Variants in ZBED1 observed in about 807,000 individuals in gnomAD.
ZBED1 encodes the protein E3 SUMO-protein ligase ZBED1.
Under a neutral mutation model 49.7 loss-of-function variants are expected in ZBED1, and 19 were observed. That is an observed-to-expected ratio of 0.38 (90% CI 0.27 to 0.56). The LOEUF is 0.56. ZBED1 is among the 20% of genes least tolerant of loss of function. The probability of loss-of-function intolerance (pLI) is 0.70; values close to 1 mark genes in which losing one functional copy is unlikely to be tolerated. For missense variants in ZBED1, 806 were observed against 972.6 expected (o/e 0.83, Z 2.28); for synonymous variants, 439 against 440.3 (o/e 1.00, Z 0.04).
At chrX:2,494,030 G>A (rs1173844396) in intron 1 of ZBED1, among the ~76,000 whole-genome samples, 2 of 152,048 alleles carry the variant, frequency 1.3e-5, no homozygotes, top group Non-Finnish European at 2.9e-5. Flanking sequence ...TTGTTTTTAG[G>A]CTGGAAGAGG....
intron 1 of ZBED1, chrX:2,500,487 G>C (rs1181964008): frequency 6.4e-6 from 1 of 156,386 alleles, no homozygotes; most frequent in African/African-American, 2.4e-5. Flanking sequence ...CAGGGTGCGC[G>C]GGGGGGCGGC....
At position 2,489,916 on chromosome X, in the gene ZBED1, G is replaced by A. The variant is rs763379330; in HGVS notation, c.804C>T (p.Thr268=). ...TCACGATGTCCTTGCCATAGTTGGTGGTGGCCCCGAAGACCTTGGCGCTGA... is the reference window on the plus strand; with the variant it reads ...TCACGATGTCCTTGCCATAGTTGGTAGTGGCCCCGAAGACCTTGGCGCTGA... ...WGISAKVFGA[T]TNYGKDIVKA... Residue 268 remains threonine, a synonymous_variant, in exon 2 of 2, where the codon ACC becomes ACT. Coordinates refer to ENST00000652001, the MANE Select transcript of ZBED1 (RefSeq NM_001171136.2). 1.9e-6 allele frequency: 3 copies of A among 1,613,754 alleles called. No individual in the cohort carries two copies. The highest frequency in any genetic ancestry group is 2.5e-6 in the Non-Finnish European group (3 of 1,179,882).
intron 1 of ZBED1, among the ~76,000 whole-genome samples, chrX:2,495,609 C>T (rs1267455980): frequency 2.1e-5 from 3 of 144,780 alleles, no homozygotes; most frequent in African/African-American, 4.9e-5. Flanking sequence ...CCTGAACCCA[C>T]GTAACAGCCA....
intron 1 of ZBED1, among the ~76,000 whole-genome samples, chrX:2,493,531 T>A (rs1482716095): frequency 6.6e-6 from 1 of 151,704 alleles, no homozygotes; most frequent in Non-Finnish European, 1.5e-5. Flanking sequence ...AGGTTTCAAT[T>A]CCATTATTAT....
intron 1 of ZBED1, among the ~76,000 whole-genome samples, chrX:2,491,066 G>GTTTTTTTTTTTTT (rs900738620): frequency 9.1e-6 from 1 of 110,246 alleles, no homozygotes; most frequent in African/African-American, 3.5e-5. Flanking sequence ...AGTGCCTTTA[G>GTTTTTTTTTTTTT]TTTTTTTTTT....
chrX:2,488,608 T>G lies in ZBED1; in HGVS notation c.*27A>C. On this transcript the variant is annotated 3_prime_UTR_variant, in exon 2 of 2. Transcript: ENST00000652001. Reference sequence around the variant, plus strand: ...AGCATCCAATGGGCTGCTGCGGGGATGACTTGTAAGACAACACGCTTCCTC... The same window carrying G: ...AGCATCCAATGGGCTGCTGCGGGGAGGACTTGTAAGACAACACGCTTCCTC... 6.4e-7 allele frequency: 1 copy of G among 1,558,146 alleles called. No individual in the cohort carries two copies. Among genetic ancestry groups the G allele is most frequent in the Non-Finnish European group, 8.7e-7 (1 of 1,153,974 alleles).
At chrX:2,491,733 A>G (rs1213096403) in intron 1 of ZBED1, among the ~76,000 whole-genome samples, 2 of 152,214 alleles carry the variant, frequency 1.3e-5, no homozygotes, top group African/African-American at 4.8e-5. Context: ...GGATTTCTCA[A>G]TCCCTGGAAC....
chrX:2,489,604 G>A lies in ZBED1; in HGVS notation c.1116C>T (p.Ala372=), dbSNP rs370706648. 3.8e-5 allele frequency: 61 copies of A among 1,612,486 alleles called. No individual in the cohort carries two copies. The highest frequency in any genetic ancestry group is 3.3e-4 in the East Asian group (15 of 44,886). ...QRLKEQQFVI[A]GVLVEDSNNH... is the part of the protein sequence containing the mutation. ...TGTTGCTGTCCTCCACCAAGACCCCGGCGATGACGAACTGCTGCTCCTTGA... is the reference window on the plus strand; with the variant it reads ...TGTTGCTGTCCTCCACCAAGACCCCAGCGATGACGAACTGCTGCTCCTTGA... Residue 372 remains alanine (A), a synonymous_variant, in exon 2 of 2, where the codon GCC becomes GCT. Transcript: ENST00000652001.
At chrX:2,500,786 G>T (rs1411785924) in intron 1 of ZBED1, 31 bp downstream of exon 1, 23 of 641,260 alleles carry the variant, frequency 3.6e-5, no homozygotes, top group South Asian at 7.2e-5. Flanking sequence ...CCGGGTCCCC[G>T]GAGCCCTGAC....
In ZBED1 at chrX:2,500,869, C is replaced by T. The variant is rs1281015634; in HGVS notation, c.-106G>A. ...GCCGCAGCAGCTGCGCCAGGATCAC[C>T]GCGGCGCCTACCGCGTAGACCCGCA... On this transcript the variant is annotated 5_prime_UTR_variant, in exon 1 of 2. Coordinates refer to ENST00000652001, the MANE Select transcript of ZBED1 (RefSeq NM_001171136.2). 1.7e-6 allele frequency: 2 copies of T among 1,160,410 alleles called. No homozygotes were observed. The highest frequency in any genetic ancestry group is 4.7e-5 in the East Asian group (1 of 21,504). The allele number at this position is 1,160,410 out of a possible 1,614,324, so 71.9% of individuals were successfully genotyped here.
At chrX:2,500,795 A>ACCCCTGC in intron 1 of ZBED1, 22 bp downstream of exon 1, 1 of 1,024,610 alleles carries the variant, frequency 9.8e-7, no homozygotes, top group Non-Finnish European at 1.2e-6. Context: ...CGGAGCCCTG[A>ACCCCTGC]CCCCTGCCCC....
chrX:2,494,791 C>T (rs1312453031), intron 1 of ZBED1, among the ~76,000 whole-genome samples: 1 of 151,804 alleles, frequency 6.6e-6, no homozygotes, highest in Non-Finnish European at 1.5e-5. Flanking sequence ...TGAAAGAGGT[C>T]CCAGTACCTA....
chrX:2,500,402 G>A (rs753661189), intron 1 of ZBED1: 2 of 170,160 alleles, frequency 1.2e-5, no homozygotes, highest in South Asian at 9.8e-5. Context: ...GACCGCAGGC[G>A]GCAGGCAGAG....
intron 1 of ZBED1, among the ~76,000 whole-genome samples, chrX:2,495,791 G>T (rs1023114989): frequency 6.6e-6 from 1 of 151,868 alleles, no homozygotes; most frequent in Non-Finnish European, 1.5e-5. Flanking sequence ...GGTTTGGGGG[G>T]GACACTCCCC....
In ZBED1 at chrX:2,488,529, G is replaced by A; in HGVS notation, c.*106C>T. The A allele has an allele frequency of 7.3e-7, 1 of 1,375,036 alleles. No homozygotes were observed. Among genetic ancestry groups the A allele is most frequent in the Non-Finnish European group, 9.8e-7 (1 of 1,023,914 alleles). 85.2% of individuals were successfully genotyped at this position (1,375,036 alleles called of 1,614,324 possible). On this transcript the variant is annotated 3_prime_UTR_variant, in exon 2 of 2. Transcript: ENST00000652001. ...TTCCACCTTCTAGGTGTCAAAGACA[G>A]TGGATGGTCTCTGAGGTTCAAAACC... is the stretch of plus-strand genomic sequence containing the variant.
In ZBED1 at chrX:2,489,561, C is replaced by T; in HGVS notation, c.1159G>A (p.Glu387Lys). The T allele has an allele frequency of 5.6e-6, 9 of 1,612,716 alleles. No individual in the cohort carries two copies. The highest frequency in any genetic ancestry group is 7.6e-6 in the Non-Finnish European group (9 of 1,179,848). ...TCGATGGTGGCCCACTCGCTGGCCT[C>T]CAGCATGAGGTGGTGGTTGTTGCTG... ...EDSNNHHLMLEASEWATIEGL... is the reference protein window; with the variant it reads ...EDSNNHHLMLKASEWATIEGL... Residue 387 changes from glutamate to lysine, a missense_variant, in exon 2 of 2, where the codon GAG (glutamate) becomes AAG (lysine). Transcript: ENST00000652001.
intron 1 of ZBED1, 195 bp downstream of exon 1, chrX:2,500,622 G>A (rs1363886067): frequency 4.7e-6 from 1 of 210,760 alleles, no homozygotes; most frequent in Non-Finnish European, 9.1e-6. Flanking sequence ...GGGACGGAAA[G>A]CGCGGGGCGG....
At chrX:2,494,129 T>C (rs2045226413) in intron 1 of ZBED1, among the ~76,000 whole-genome samples, 1 of 151,504 alleles carries the variant, frequency 6.6e-6, no homozygotes, top group Non-Finnish European at 1.5e-5. Context: ...CCATATTCTA[T>C]TATTATTATT....
intron 1 of ZBED1, among the ~76,000 whole-genome samples, chrX:2,495,582 A>G (rs1216637757): frequency 4.7e-5 from 7 of 150,480 alleles, no homozygotes; most frequent in African/African-American, 1.7e-4. Flanking sequence ...AACCGTCCAC[A>G]CAGTAGGTGG....
Sources: gnomAD v4.1 joint callset for allele counts (sites outside exome capture counted in the v4.1 genomes callset) on GRCh38, gnomAD v4.1.1 for gene constraint, MANE v1.5 for transcripts, NCBI Gene and HGNC (gene_info 2026-07-23, HGNC 2026-07-21) for gene names.